The following SINHCAF variants were observed in gnomAD, a reference collection of about 807,000 sequenced individuals.
SINHCAF encodes SIN3-HDAC complex associated factor, also known as SIN3-HDAC complex-associated factor.
A neutral mutation model predicts 25.8 loss-of-function variants in SINHCAF; 3 were observed. That is an observed-to-expected ratio of 0.12 (90% CI 0.05 to 0.30). SINHCAF has a LOEUF of 0.30. Among genes scored for constraint, SINHCAF ranks in the 10% least tolerant of loss-of-function variants. The pLI, the probability that SINHCAF is intolerant of heterozygous loss-of-function variation, is 1.00. For missense variants in SINHCAF, 121 were observed against 262.3 expected (o/e 0.46, Z 3.72); for synonymous variants, 70 against 85.5 (o/e 0.82, Z 1.00).
At chr12:31,291,975 C>G (rs1735248008) in intron 4 of SINHCAF, among the ~76,000 whole-genome samples, 1 of 139,418 alleles carries the variant, frequency 7.2e-6, no homozygotes, top group Non-Finnish European at 1.6e-5. Context: ...TGAGCCTCCA[C>G]AATCTACACA....
chr12:31,309,245 G>A (rs535887403), intron 1 of SINHCAF, among the ~76,000 whole-genome samples: 20 of 151,822 alleles, frequency 1.3e-4, no homozygotes, highest in South Asian at 1.3e-3. Flanking sequence ...TCTACAGCCC[G>A]TAAGTTTTGT....
chr12:31,289,833 G>C (rs1461579511), intron 4 of SINHCAF, among the ~76,000 whole-genome samples: 7 of 148,668 alleles, frequency 4.7e-5, no homozygotes, highest in Non-Finnish European at 8.9e-5. Context: ...TTTATCTTTT[G>C]GTTTTCCTTG....
chr12:31,300,343 GA>G (rs1245418287), intron 1 of SINHCAF, among the ~76,000 whole-genome samples: 1 of 152,180 alleles, frequency 6.6e-6, no homozygotes, highest in Non-Finnish European at 1.5e-5. Context: ...TTGTTGGTGA[GA>G]GAGGCAGGCA....
intron 1 of SINHCAF, among the ~76,000 whole-genome samples, chr12:31,301,344 A>G (rs1299304738): frequency 1.3e-5 from 2 of 152,216 alleles, no homozygotes; most frequent in Non-Finnish European, 2.9e-5. Flanking sequence ...CTTAGGATTC[A>G]TAATCCATTT....
rs1555110957 is a variant in SINHCAF, at chr12:31,285,418, T to TATACACACACACAC, written c.506+2215_506+2216insGTGTGTGTGTGTAT. The stretch of plus-strand genomic sequence containing the variant: ...ATAGACATATATTTATATATATACA[T>TATACACACACACAC]ACACACACACACACACACACACACA... On this transcript the variant is annotated intron_variant, in intron 5 of 5. Coordinates refer to ENST00000337682, the MANE Select transcript of SINHCAF (RefSeq NM_001135812.2). 3.0e-4 allele frequency among the ~76,000 whole-genome samples: 43 copies of TATACACACACACAC among 141,442 alleles called. No individual in the cohort carries two copies. The East Asian group carries it at 4.3e-3, about 14-fold the overall frequency. 92.8% of individuals were successfully genotyped at this position (141,442 alleles called of 152,430 possible).
At chr12:31,304,242 CTATT>C (rs1938935763) in intron 1 of SINHCAF, 1 of 151,828 alleles carries the variant, frequency 6.6e-6, no homozygotes, top group Non-Finnish European at 1.5e-5. Flanking sequence ...TATCTCTTAA[CTATT>C]CATTCATAAT....
At position 31,321,916 on chromosome 12, in the gene SINHCAF, G is replaced by T. The variant is rs528411099; in HGVS notation, c.-21+4108C>A. On this transcript the variant is annotated intron_variant, in intron 1 of 5. Coordinates refer to ENST00000337682, the MANE Select transcript of SINHCAF (RefSeq NM_001135812.2). ...TTACATGTAAAATGGTTCTTAAATT[G>T]CTTCTCTGACATAAATATGTCTGAG... Among the ~76,000 whole-genome samples, 25 of 151,974 alleles carry T rather than the reference G, an allele frequency of 1.6e-4. No homozygotes were observed. The South Asian group carries it at 5.2e-3, about 32-fold the overall frequency.
intron 1 of SINHCAF, chr12:31,311,558 G>C (rs1253779068): frequency 1.1e-5 from 3 of 278,372 alleles, no homozygotes; most frequent in Non-Finnish European, 2.1e-5. Context: ...GAACCACTGG[G>C]ACCGAGCATG....
rs755558480 is a variant in SINHCAF at position 31,324,997 on chromosome 12, G to A, written c.-21+1027C>T. ...GGCCGCATCCCACGGCTCACGCGGG[G>A]CTGGACATTCGGACAAGGACCAGGG... On this transcript the variant is annotated intron_variant, in intron 1 of 5. Coordinates refer to ENST00000337682, the MANE Select transcript of SINHCAF (RefSeq NM_001135812.2). The surrounding 1 kb of genome is among the most constrained non-coding windows in gnomAD (Gnocchi z 5.5). The A allele has an allele frequency of 6.3e-5, 29 of 456,794 alleles. No individual in the cohort carries two copies. The highest frequency in any genetic ancestry group is 1.2e-4 in the Admixed American group (5 of 42,590). 28.3% of individuals were successfully genotyped at this position (456,794 alleles called of 1,614,324 possible).
chr12:31,289,186 A>G (rs570845480), intron 4 of SINHCAF, among the ~76,000 whole-genome samples: 47 of 152,150 alleles, frequency 3.1e-4, no homozygotes, highest in Non-Finnish European at 5.4e-4. Flanking sequence ...ACATACATCT[A>G]CATTCATGTC....
In SINHCAF at chr12:31,281,232, T is replaced by C. The variant is rs961748339; in HGVS notation, c.*1480A>G. The C allele has an allele frequency of 6.6e-6, 1 of 152,186 alleles. No individual in the cohort carries two copies. The highest frequency in any genetic ancestry group is 1.5e-5 in the Non-Finnish European group (1 of 68,028). The allele number at this position is 152,186 out of a possible 1,614,324, so 9.4% of individuals were successfully genotyped here. A position where few individuals can be genotyped will look rare whatever the true frequency, so the allele number is the denominator to read the frequency against. The stretch of plus-strand genomic sequence containing the variant: ...AAAGAGGCAGTAAGAGTACTCTGGT[T>C]TGGGTTCAAGTGAGAGGCTTTTCAT... On this transcript the variant is annotated 3_prime_UTR_variant, in exon 6 of 6. Coordinates refer to ENST00000337682, the MANE Select transcript of SINHCAF (RefSeq NM_001135812.2).
chr12:31,303,666 A>C (rs1938899717), intron 1 of SINHCAF: 1 of 152,164 alleles, frequency 6.6e-6, no homozygotes, highest in Admixed American at 6.5e-5. Context: ...TACCATGAGT[A>C]ATTTAAGTGA....
chr12:31,294,012 G>C (rs1006127911), intron 3 of SINHCAF, 81 bp from the exon 4 acceptor site: 7 of 1,106,188 alleles, frequency 6.3e-6, no homozygotes. Context: ...GTGCCTATTT[G>C]AGAACCACAG....
chr12:31,285,418 T>TACACATACACACAC (rs1555110958), intron 5 of SINHCAF, among the ~76,000 whole-genome samples: 15 of 141,354 alleles, frequency 1.1e-4, no homozygotes, highest in Non-Finnish European at 2.3e-4. Context: ...TATATATACA[T>TACACATACACACAC]ACACACACAC....
chr12:31,323,621 C>G (rs1334100872), intron 1 of SINHCAF, among the ~76,000 whole-genome samples: 1 of 152,160 alleles, frequency 6.6e-6, no homozygotes, highest in Admixed American at 6.5e-5. Flanking sequence ...GTTACCAGAA[C>G]AAACTGCACC....
intron 2 of SINHCAF, among the ~76,000 whole-genome samples, chr12:31,295,799 GAAGC>G (rs1938522344): frequency 6.6e-6 from 1 of 151,924 alleles, no homozygotes; most frequent in African/African-American, 2.4e-5. Flanking sequence ...TTGAGCCCAG[GAAGC>G]AGAGGTTGCA....
intron 5 of SINHCAF, among the ~76,000 whole-genome samples, chr12:31,283,858 A>AC (rs1275252571): frequency 7.9e-6 from 1 of 126,200 alleles, no homozygotes; most frequent in Non-Finnish European, 1.7e-5. Flanking sequence ...TATCCATTAC[A>AC]CACACACACA....
intron 1 of SINHCAF, among the ~76,000 whole-genome samples, chr12:31,317,454 T>C (rs767610089): frequency 6.6e-6 from 1 of 152,194 alleles, no homozygotes; most frequent in Non-Finnish European, 1.5e-5. Flanking sequence ...TAAAGCAAGT[T>C]GAACAGTAGT....
intron 5 of SINHCAF, among the ~76,000 whole-genome samples, chr12:31,286,418 T>C (rs1463670779): frequency 1.3e-5 from 2 of 152,120 alleles, no homozygotes; most frequent in Non-Finnish European, 2.9e-5. Flanking sequence ...TCCCAACACT[T>C]TGGGAGGCTG....
Sources: gnomAD v4.1 joint callset for allele counts (sites outside exome capture counted in the v4.1 genomes callset) on GRCh38, gnomAD v4.1.1 for gene constraint, Gnocchi (gnomAD v3.1) non-coding constraint, MANE v1.5 for transcripts, NCBI Gene and HGNC (gene_info 2026-07-23, HGNC 2026-07-21) for gene names.